SHANK2: variants seen among roughly 807,000 people sequenced by gnomAD.
SHANK2 encodes SH3 and multiple ankyrin repeat domains protein 2.
Under a neutral mutation model 133.7 loss-of-function variants are expected in SHANK2, and 43 were observed. The observed-to-expected ratio is 0.32, with a 90% CI of 0.25 to 0.41. SHANK2 has a LOEUF of 0.41. SHANK2 is among the 10% of genes least tolerant of loss of function. The pLI, the probability that SHANK2 is intolerant of heterozygous loss-of-function variation, is 1.00. For missense variants in SHANK2, 1,994 were observed against 2,235.8 expected (o/e 0.89, Z 2.18); for synonymous variants, 1,017 against 952.8 (o/e 1.07, Z -1.24).
At chr11:70,698,195 C>G (rs1204206826) in intron 15 of SHANK2, 1 of 187,188 alleles carries the variant, frequency 5.3e-6, no homozygotes, top group Non-Finnish European at 1.1e-5. Context: ...GAACTCAAAC[C>G]TGCTGTGCTT....
intron 17 of SHANK2, among the ~76,000 whole-genome samples, chr11:70,653,118 G>A (rs1018010238): frequency 2.0e-5 from 3 of 151,644 alleles, no homozygotes; most frequent in African/African-American, 4.8e-5. Flanking sequence ...GACTACAGGC[G>A]CCCACCACCA....
chr11:71,151,354 G>A (rs1351381213), intron 2 of SHANK2, among the ~76,000 whole-genome samples: 5 of 152,148 alleles, frequency 3.3e-5, no homozygotes, highest in African/African-American at 4.8e-5. Context: ...AGAGCCTGCC[G>A]GGTAGCGGGG....
chr11:70,724,838 G>A lies in SHANK2; in HGVS notation c.1778-26075C>T, dbSNP rs181948849. 1.4e-3 allele frequency among the ~76,000 whole-genome samples: 216 copies of A among 152,302 alleles called. 1 individual carries two copies. In the Middle Eastern group the frequency reaches 0.017, roughly 12 times the overall value. On this transcript the variant is annotated intron_variant, in intron 14 of 25. Coordinates refer to ENST00000601538, the MANE Select transcript of SHANK2 (RefSeq NM_012309.5). ...GAAGGGAAACCTCTCAAGATCTAACGGGGTGATCAGGTAGCAGACTCTAGT... is the reference window on the plus strand; with the variant it reads ...GAAGGGAAACCTCTCAAGATCTAACAGGGTGATCAGGTAGCAGACTCTAGT...
chr11:71,073,156 C>CTTT (rs1198101078), intron 9 of SHANK2, among the ~76,000 whole-genome samples: 5 of 40,778 alleles, frequency 1.2e-4, no homozygotes, highest in African/African-American at 3.4e-4. Context: ...TCTTTTTTTT[C>CTTT]TTTTTTTTCT....
At chr11:70,636,742 G>GC (rs1555004379) in intron 17 of SHANK2, among the ~76,000 whole-genome samples, 38 of 23,860 alleles carry the variant, frequency 1.6e-3, no homozygotes, top group Admixed American at 0.012. Context: ...GTGAATATGT[G>GC]TGAGCATGTG....
At chr11:70,636,565 A>ATGTG (rs10695663) in intron 17 of SHANK2, among the ~76,000 whole-genome samples, 2 of 147,068 alleles carry the variant, frequency 1.4e-5, no homozygotes, top group African/African-American at 5.1e-5. Flanking sequence ...GTACATGTGC[A>ATGTG]TGTGTGTGTA....
intron 14 of SHANK2, among the ~76,000 whole-genome samples, chr11:70,718,700 C>CTCTTTTTTTT (rs782533400): frequency 7.7e-6 from 1 of 129,814 alleles, no homozygotes; most frequent in South Asian, 2.4e-4. Context: ...AGCTCATTCT[C>CTCTTTTTTTT]TTTTTTTTTT....
At chr11:71,183,882 T>C (rs539370813) in intron 2 of SHANK2, among the ~76,000 whole-genome samples, 1 of 152,196 alleles carries the variant, frequency 6.6e-6, no homozygotes, top group South Asian at 2.1e-4. Flanking sequence ...GAAGCTAATG[T>C]AACCTTGTAG....
Position 70,654,944 on chromosome 11 carries a change from T to A in SHANK2, c.2061+4884A>T, listed in dbSNP as rs191300889. Among the ~76,000 whole-genome samples, 675 of 152,256 alleles carry A rather than the reference T, an allele frequency of 4.4e-3. 5 individuals carry two copies. Among genetic ancestry groups the A allele is most frequent in the African/African-American group, 0.015 (608 of 41,540 alleles). On this transcript the variant is annotated intron_variant, in intron 17 of 25. Transcript: ENST00000601538. Reference sequence around the variant, plus strand: ...CACCACGCCCAGCTAATTTTTTGTATTTTTAGTAGAGACGGGGTTTCATCA... The same window carrying A: ...CACCACGCCCAGCTAATTTTTTGTAATTTTAGTAGAGACGGGGTTTCATCA...
chr11:71,070,055 G>A (rs1442821650), intron 9 of SHANK2, among the ~76,000 whole-genome samples: 1 of 152,194 alleles, frequency 6.6e-6, no homozygotes, highest in African/African-American at 2.4e-5. Context: ...AGAAGCTTTG[G>A]GTCAAGTACA....
intron 15 of SHANK2, among the ~76,000 whole-genome samples, chr11:70,682,173 C>A (rs557104074): frequency 6.6e-6 from 1 of 152,180 alleles, no homozygotes. Context: ...CGGGCCAGGG[C>A]TGCTGCTGCT....
At chr11:70,657,395 G>A (rs1468765989) in intron 17 of SHANK2, among the ~76,000 whole-genome samples, 3 of 152,160 alleles carry the variant, frequency 2.0e-5, no homozygotes, top group Non-Finnish European at 4.4e-5. Context: ...GAACAAACAC[G>A]CACCTATTAT....
intron 14 of SHANK2, among the ~76,000 whole-genome samples, chr11:70,786,531 C>T (rs1026222497): frequency 2.6e-5 from 4 of 152,188 alleles, no homozygotes; most frequent in Non-Finnish European, 5.9e-5. Flanking sequence ...ACTGCAACAA[C>T]CCTGCAGGGC....
At chr11:71,219,890 T>G (rs1463770028) in intron 2 of SHANK2, among the ~76,000 whole-genome samples, 1 of 149,778 alleles carries the variant, frequency 6.7e-6, no homozygotes, top group Non-Finnish European at 1.5e-5. Context: ...AGAGCGAGAC[T>G]CCATCTCAAA....
intron 2 of SHANK2, among the ~76,000 whole-genome samples, chr11:71,171,889 G>A (rs1199509637): frequency 2.0e-5 from 3 of 152,200 alleles, no homozygotes; most frequent in Non-Finnish European, 2.9e-5. Flanking sequence ...CAGTTGCGAT[G>A]GGGGTCACGG....
intron 11 of SHANK2, among the ~76,000 whole-genome samples, chr11:70,824,475 C>T (rs782299031): frequency 1.8e-4 from 28 of 152,166 alleles, no homozygotes; most frequent in South Asian, 8.3e-4. Context: ...TCAAAGCACA[C>T]GGATCCATGA....
At chr11:70,594,477 T>C (rs550422117) in intron 17 of SHANK2, among the ~76,000 whole-genome samples, 8 of 152,086 alleles carry the variant, frequency 5.3e-5, no homozygotes, top group Non-Finnish European at 1.0e-4. Flanking sequence ...TTTTGACCCA[T>C]GTTTGGTTGG....
At chr11:71,132,148 T>C (rs1405899925) in intron 3 of SHANK2, among the ~76,000 whole-genome samples, 2 of 152,146 alleles carry the variant, frequency 1.3e-5, no homozygotes, top group Non-Finnish European at 2.9e-5. Flanking sequence ...TGGGAGGCCT[T>C]GTCCGCCCAG....
At chr11:70,929,200 A>G (rs1555082107) in intron 10 of SHANK2, among the ~76,000 whole-genome samples, 1 of 152,164 alleles carries the variant, frequency 6.6e-6, no homozygotes. Flanking sequence ...TTGCAGAAAT[A>G]TCTGAGGGGT....
Sources: allele counts gnomAD v4.1 joint callset (sites outside exome capture counted in the v4.1 genomes callset), GRCh38; gene constraint gnomAD v4.1.1; transcripts MANE v1.5; gene names NCBI Gene and HGNC (gene_info 2026-07-23, HGNC 2026-07-21).